The following DNAH14 variants were observed in gnomAD, a reference collection of about 807,000 sequenced individuals.
The protein encoded by DNAH14 is axonemal beta dynein heavy chain 14.
Under a neutral mutation model 520.9 loss-of-function variants are expected in DNAH14, and 478 were observed. The observed-to-expected ratio is 0.92, with a 90% CI of 0.85 to 0.99. The LOEUF is 0.99. Among genes scored for constraint, DNAH14 ranks in the 50% least tolerant of loss-of-function variants. The pLI is 0.00. For synonymous variants in DNAH14, 1,581 were observed against 1,757.2 expected, an observed-to-expected ratio of 0.90 and a Z score of 2.51; for missense variants, 4,831 against 5,234.5, an observed-to-expected ratio of 0.92 and a Z score of 2.38.
At chr1:225,169,247 C>A (rs1358319369) in intron 36 of DNAH14, among the ~76,000 whole-genome samples, 1 of 152,208 alleles carries the variant, frequency 6.6e-6, no homozygotes, top group Non-Finnish European at 1.5e-5. Flanking sequence ...GCCTCTCCTC[C>A]TCCAAAGGAA....
chr1:225,323,655 GT>G (rs1041929704), intron 62 of DNAH14, among the ~76,000 whole-genome samples: 10 of 151,886 alleles, frequency 6.6e-5, no homozygotes, highest in Non-Finnish European at 1.3e-4. Flanking sequence ...TAGAGACATG[GT>G]TTCACCATGT....
chr1:224,957,754 G>T (rs1232469076), intron 3 of DNAH14, among the ~76,000 whole-genome samples: 1 of 152,146 alleles, frequency 6.6e-6, no homozygotes, highest in South Asian at 2.1e-4. Context: ...AATATGGGAC[G>T]TGAGTGCTGT....
intron 55 of DNAH14, among the ~76,000 whole-genome samples, chr1:225,293,137 A>AGTCAGAAT (rs1373313661): frequency 2.0e-5 from 3 of 152,190 alleles, no homozygotes; most frequent in Non-Finnish European, 4.4e-5. Flanking sequence ...ATCTAACACC[A>AGTCAGAAT]GTCAGAATGG....
chr1:225,209,805 C>T (rs961450227), intron 41 of DNAH14, among the ~76,000 whole-genome samples: 2 of 152,100 alleles, frequency 1.3e-5, no homozygotes, highest in African/African-American at 2.4e-5. Flanking sequence ...GTACCCAGCT[C>T]ATCTCAATAG....
chr1:225,051,486 G>A lies in DNAH14; in HGVS notation c.2115G>A (p.Met705Ile). The change falls in exon 17 of 86, where the codon ATG becomes ATA. Residue 705 changes from methionine (M) to isoleucine (I), a missense_variant. Physicochemically the swap from Met to Ile is conservative, Grantham distance 10. Coordinates refer to ENST00000682510, the MANE Select transcript of DNAH14 (RefSeq NM_001367479.1). ...TCCTGACTATTATTGGTAATTCAAT[G>A]GGCCTAGTTAATGCTTACAGCCACA... ...VNLLTIIGNS[M>I]GLVNAYSHKF... 1 of 1,523,820 alleles carries A rather than the reference G, an allele frequency of 6.6e-7. No homozygotes were observed. The highest frequency in any genetic ancestry group is 8.8e-7 in the Non-Finnish European group (1 of 1,135,590). The allele number at this position is 1,523,820 out of a possible 1,614,324, so 94.4% of individuals were successfully genotyped here. A position where few individuals can be genotyped will look rare whatever the true frequency, so the allele number is the denominator to read the frequency against.
chr1:225,136,486 T>C, intron 27 of DNAH14, among the ~76,000 whole-genome samples: 1 of 152,190 alleles, frequency 6.6e-6, no homozygotes, highest in African/African-American at 2.4e-5. Flanking sequence ...TGGCCCCCAA[T>C]CTCTTCTGGC....
intron 23 of DNAH14, among the ~76,000 whole-genome samples, chr1:225,113,542 G>A (rs1276018395): frequency 6.6e-6 from 1 of 152,210 alleles, no homozygotes. Flanking sequence ...GGTGAAGCCA[G>A]CCAGGCTTGT....
intron 12 of DNAH14, among the ~76,000 whole-genome samples, chr1:225,042,409 C>T (rs1442966797): frequency 6.6e-6 from 1 of 152,138 alleles, no homozygotes; most frequent in Non-Finnish European, 1.5e-5. Context: ...AGGACTTACT[C>T]TAGTGGGTTT....
intron 43 of DNAH14, among the ~76,000 whole-genome samples, chr1:225,246,278 A>G (rs2092278335): frequency 6.6e-6 from 1 of 152,176 alleles, no homozygotes. Context: ...TAAAAACCCT[A>G]GAAGAAAACC....
chr1:225,076,737 G>A (rs1019625106), intron 17 of DNAH14, among the ~76,000 whole-genome samples: 7 of 152,040 alleles, frequency 4.6e-5, no homozygotes, highest in African/African-American at 1.4e-4. Context: ...TGTCCTGGGT[G>A]TATTTATATT....
chr1:225,141,467 C>G (rs556000456), intron 28 of DNAH14, among the ~76,000 whole-genome samples: 2 of 124,692 alleles, frequency 1.6e-5, no homozygotes, highest in Non-Finnish European at 3.1e-5. Flanking sequence ...TATACGTATC[C>G]TCTGTTTGGG....
rs531579282 is a variant in DNAH14 at position 224,967,161 on chromosome 1, T to G, written c.499-270T>G. On this transcript the variant is annotated intron_variant, in intron 5 of 85. Transcript: ENST00000682510. ...ATCAAGTTCTTTGGATTAGTAAGCATGTATTATTAAGTATATAGATAATTT... is the reference window on the plus strand; with the variant it reads ...ATCAAGTTCTTTGGATTAGTAAGCAGGTATTATTAAGTATATAGATAATTT... Among the ~76,000 whole-genome samples, 215 of 152,194 alleles carry G rather than the reference T, an allele frequency of 1.4e-3. 2 individuals are homozygous for G. The highest frequency in any genetic ancestry group is 2.1e-3 in the Non-Finnish European group (145 of 67,974).
intron 36 of DNAH14, among the ~76,000 whole-genome samples, chr1:225,170,668 T>C (rs532897758): frequency 6.6e-6 from 1 of 152,236 alleles, no homozygotes; most frequent in East Asian, 1.9e-4. Flanking sequence ...ACAATAATAA[T>C]GGGAGACTTT....
At chr1:224,978,616 ATAGT>A (rs1384614557) in intron 8 of DNAH14, among the ~76,000 whole-genome samples, 5 of 152,220 alleles carry the variant, frequency 3.3e-5, no homozygotes, top group East Asian at 3.9e-4. Context: ...ATTTTTTCAA[ATAGT>A]TAGAAGATTT....
intron 8 of DNAH14, 115 bp from the exon 9 acceptor site, chr1:225,002,666 GGT>G (rs763343883): frequency 2.4e-5 from 23 of 960,598 alleles, no homozygotes; most frequent in Non-Finnish European, 3.4e-5. Flanking sequence ...TTTAAAATGG[GGT>G]AGATGTAAAA....
chr1:225,107,369 G>A (rs940450618), intron 23 of DNAH14, among the ~76,000 whole-genome samples: 18 of 152,272 alleles, frequency 1.2e-4, no homozygotes, highest in African/African-American at 2.2e-4. Context: ...CTCCAGCTGC[G>A]TACTGCTTTA....
intron 76 of DNAH14, among the ~76,000 whole-genome samples, chr1:225,366,472 C>A (rs922611907): frequency 6.6e-6 from 1 of 152,194 alleles, no homozygotes; most frequent in African/African-American, 2.4e-5. Flanking sequence ...GGCGGACAGA[C>A]ACCTACTTTT....
At chr1:225,057,990 C>CTT in intron 17 of DNAH14, among the ~76,000 whole-genome samples, 1 of 151,932 alleles carries the variant, frequency 6.6e-6, no homozygotes, top group East Asian at 1.9e-4. Context: ...CTAAAATTCT[C>CTT]TTTTTTTTGT....
At chr1:225,334,317 C>T (rs1297986483) in intron 66 of DNAH14, among the ~76,000 whole-genome samples, 1 of 151,814 alleles carries the variant, frequency 6.6e-6, no homozygotes, top group Non-Finnish European at 1.5e-5. Context: ...GTAGCAAGAC[C>T]GTGTCTAAAA....
Sources: allele counts gnomAD v4.1 joint callset (sites outside exome capture counted in the v4.1 genomes callset), GRCh38; gene constraint gnomAD v4.1.1; transcripts MANE v1.5; gene names NCBI Gene and HGNC (gene_info 2026-07-23, HGNC 2026-07-21).